TTC14: variants seen among roughly 807,000 people sequenced by gnomAD.
TTC14 encodes the protein tetratricopeptide repeat domain 14, also known as tetratricopeptide repeat protein 14.
A neutral mutation model predicts 79.9 loss-of-function variants in TTC14; 63 were observed. That is an observed-to-expected ratio of 0.79 (90% confidence interval 0.64 to 0.97). TTC14 has a LOEUF of 0.97. Ranked by LOEUF, TTC14 falls within the 50% of genes least tolerant of loss-of-function variation. TTC14 has a pLI of 0.00. For synonymous variants in TTC14, 335 were observed against 309.6 expected (o/e 1.08, Z -0.86); for missense variants, 895 against 894.0 (o/e 1.00, Z -0.01).
rs750323353 is a variant in TTC14 at position 180,604,170 on chromosome 3, A to G, written c.487-55A>G. The G allele has an allele frequency of 1.2e-5, 17 of 1,449,612 alleles. No homozygotes were observed. The South Asian group carries it at 2.0e-4, about 17-fold the overall frequency. 89.8% of individuals were successfully genotyped at this position (1,449,612 alleles called of 1,614,324 possible). A position where few individuals can be genotyped will look rare whatever the true frequency, so the allele number is the denominator to read the frequency against. On this transcript the variant is annotated intron_variant, in intron 3 of 11. Transcript: ENST00000296015. ...CCAAACAACTAAGATAAAAGAAGACACTGTTCTTATCAAAGCTTGAAATGT... is the reference window on the plus strand; with the variant it reads ...CCAAACAACTAAGATAAAAGAAGACGCTGTTCTTATCAAAGCTTGAAATGT...
Position 180,606,343 on chromosome 3 carries a change from C to T in TTC14, c.1020C>T (p.Asn340=), listed in dbSNP as rs1716685118. The change falls in exon 8 of 12, where the codon AAC becomes AAT. Residue 340 remains asparagine (N), a synonymous_variant. Transcript: ENST00000296015. ...AAGCTTTGGAAATAGACAAACAAAA[C>T]GTGGAAGCTTTGGTAGCTCGTGGAG... ...YNKALEIDKQ[N]VEALVARGAL... 6.2e-6 allele frequency: 10 copies of T among 1,613,832 alleles called. No homozygotes were observed. The highest frequency in any genetic ancestry group is 8.5e-6 in the Non-Finnish European group (10 of 1,179,966).
intron 11 of TTC14, 188 bp downstream of exon 11, chr3:180,608,998 C>T (rs1716844508): frequency 8.9e-7 from 1 of 1,119,916 alleles, no homozygotes; most frequent in African/African-American, 1.6e-5. Context: ...GAATTTAAGG[C>T]TAGAATTCTA....
Position 180,616,257 on chromosome 3 carries a change from A to AT in TTC14, c.1775-1114dup, listed in dbSNP as rs573087987. 6,145 of 1,574,698 alleles carry AT rather than the reference A, an allele frequency of 3.9e-3. 17 individuals carry two copies. The highest frequency in any genetic ancestry group is 0.017 in the Middle Eastern group (103 of 5,938). On this transcript the variant is annotated intron_variant, in intron 12 of 12. Transcript: ENST00000382584. ...GTGTACAGCTGTGAGAGTTAAGCAG[A>AT]TTTTTTTTTAACCCTCCGCTTACCT...
downstream of TTC14, among the ~76,000 whole-genome samples, chr3:180,615,585 AG>A (rs1391541087): frequency 6.6e-6 from 1 of 152,198 alleles, no homozygotes; most frequent in Non-Finnish European, 1.5e-5. Context: ...TCAGTTATAT[AG>A]AAACAGTTTT....
Position 180,602,295 on chromosome 3 carries a change from T to G in TTC14, c.34T>G (p.Cys12Gly). The part of the protein sequence containing the change: ...DRDLLRQSLN[C>G]HGSSLLSLLR... ...GGACCTTTTGCGGCAGTCGCTAAAT[T>G]GCCACGGGTCGTCTTTGCTCTCTCT... Residue 12 changes from cysteine to glycine, a missense_variant, in exon 1 of 12, where the codon TGC becomes GGC. Cys to Gly is a radical substitution (Grantham distance 159). Coordinates refer to ENST00000296015, the MANE Select transcript of TTC14 (RefSeq NM_133462.4). 1 of 1,614,058 alleles carries G rather than the reference T, an allele frequency of 6.2e-7. No homozygotes were observed. Among genetic ancestry groups the G allele is most frequent in the Non-Finnish European group, 8.5e-7 (1 of 1,180,024 alleles).
downstream of TTC14, among the ~76,000 whole-genome samples, chr3:180,618,280 G>T (rs139740699): frequency 1.4e-4 from 21 of 152,190 alleles, no homozygotes; most frequent in African/African-American, 5.1e-4. Flanking sequence ...AATTCAACTG[G>T]AAAGTATTTT....
Position 180,602,388 on chromosome 3 carries a change from C to G in TTC14, c.127C>G (p.Arg43Gly). Reference protein sequence around the residue: ...SLLGSAAEPARGPPPQHPLQG... With the variant: ...SLLGSAAEPAGGPPPQHPLQG... ...CCTGGGGTCGGCCGCCGAGCCAGCC[C>G]GGGGCCCGCCGCCCCAGCACCCGTT... The change falls in exon 1 of 12, where the codon CGG (arginine) becomes GGG (glycine). Residue 43 changes from arginine (R) to glycine (G), a missense_variant. Transcript: ENST00000296015. The G allele has an allele frequency of 6.2e-7, 1 of 1,609,270 alleles. No homozygotes were observed.
chr3:180,616,715 A>G lies in TTC14; in HGVS notation c.1775-665A>G, dbSNP rs776677497. On this transcript the variant is annotated intron_variant, in intron 12 of 12. Transcript: ENST00000382584. The stretch of plus-strand genomic sequence containing the variant: ...TGCACACTGTTGGTAAATAATAGTC[A>G]ATTATTCTATAAACGTGTTTACCAG... The G allele has an allele frequency of 7.0e-6, 11 of 1,576,854 alleles. No individual in the cohort carries two copies. Among genetic ancestry groups the G allele is most frequent in the Middle Eastern group, 3.3e-4 (2 of 5,982 alleles).
intron 3 of TTC14, 143 bp downstream of exon 3, chr3:180,603,466 T>A (rs959277245): frequency 4.0e-6 from 3 of 750,012 alleles, no homozygotes; most frequent in African/African-American, 1.8e-5. Context: ...AAAAATAGTT[T>A]AAAAAAATTA....
In TTC14 at chr3:180,608,752, A is replaced by G. The variant is rs977586319; in HGVS notation, c.1342A>G (p.Thr448Ala). 1 of 1,564,070 alleles carries G rather than the reference A, an allele frequency of 6.4e-7. No individual in the cohort carries two copies. ...AGCTGAAAAGGAAGAAAAGCAGAAA[A>G]CAAAGAAAATAGAAACAAGTGCAGA... is the stretch of plus-strand genomic sequence containing the variant. ...KQAEKEEKQK[T>A]KKIETSAEKL... Residue 448 changes from threonine (T) to alanine (A), a missense_variant, in exon 11 of 12, where the codon ACA becomes GCA. By Grantham distance (58) the Thr-to-Ala change is moderately conservative. Coordinates refer to ENST00000296015, the MANE Select transcript of TTC14 (RefSeq NM_133462.4).
chr3:180,602,666 T>C lies in TTC14; in HGVS notation c.162-225T>C, dbSNP rs1284148476. 1.1e-5 allele frequency: 8 copies of C among 712,216 alleles called. No homozygotes were observed. In the East Asian group the frequency reaches 2.2e-4, roughly 20 times the overall value. The allele number at this position is 712,216 out of a possible 1,614,324, so 44.1% of individuals were successfully genotyped here. On this transcript the variant is annotated intron_variant, in intron 1 of 11. Transcript: ENST00000296015. ...CGCAGATTCCTTAGCTAAAAATCCC[T>C]TGAGCTTTCCTATCTGAGTTGGAGG... is the stretch of plus-strand genomic sequence containing the variant.
intron 10 of TTC14, 168 bp from the exon 11 acceptor site, chr3:180,608,533 T>G (rs1475741918): frequency 1.6e-6 from 2 of 1,236,356 alleles, no homozygotes; most frequent in African/African-American, 3.2e-5. Flanking sequence ...GCCAAACATC[T>G]GTATGACTAA....
Position 180,610,465 on chromosome 3 carries a change from T to C in TTC14, c.2236T>C (p.Leu746=). ...CTCAGAAAGCAGTGTTAAGAAAAATTTACCTCAGAATTTACTGAATATATT... is the reference window on the plus strand; with the variant it reads ...CTCAGAAAGCAGTGTTAAGAAAAATCTACCTCAGAATTTACTGAATATATT... ...EHSESSVKKN[L]PQNLLNIFNQ... is the part of the protein sequence containing the mutation. Residue 746 remains leucine, a synonymous_variant, in exon 12 of 12, where the codon TTA becomes CTA. Coordinates refer to ENST00000296015, the MANE Select transcript of TTC14 (RefSeq NM_133462.4). 6.2e-7 allele frequency: 1 copy of C among 1,607,820 alleles called. No homozygotes were observed. Among genetic ancestry groups the C allele is most frequent in the Non-Finnish European group, 8.5e-7 (1 of 1,178,510 alleles).
chr3:180,609,009 C>T (rs2108396904), intron 11 of TTC14, 199 bp downstream of exon 11: 2 of 1,093,438 alleles, frequency 1.8e-6, no homozygotes, highest in South Asian at 4.3e-5. Flanking sequence ...TAGAATTCTA[C>T]AAAAAAAGAG....
rs755764794 is a variant in TTC14 at position 180,616,656 on chromosome 3, T to G, written c.1775-724T>G. The stretch of plus-strand genomic sequence containing the variant: ...TGTTCTTCCATTGTTTCATCTTTTG[T>G]GTCTTTCAAAAGACGGATTTCCTTT... On this transcript the variant is annotated intron_variant, in intron 12 of 12. Transcript: ENST00000382584. The G allele has an allele frequency of 7.2e-5, 114 of 1,593,150 alleles. No homozygotes were observed. Among genetic ancestry groups the G allele is most frequent in the Non-Finnish European group, 9.3e-5 (109 of 1,168,142 alleles).
rs370488877 is a variant in TTC14, at chr3:180,608,684, T to C, written c.1291-17T>C. 59 of 1,502,922 alleles carry C rather than the reference T, an allele frequency of 3.9e-5. No individual in the cohort carries two copies. Among genetic ancestry groups the C allele is most frequent in the Non-Finnish European group, 5.1e-5 (58 of 1,131,652 alleles). The allele number at this position is 1,502,922 out of a possible 1,614,324, so 93.1% of individuals were successfully genotyped here. A position where few individuals can be genotyped will look rare whatever the true frequency, so the allele number is the denominator to read the frequency against. On this transcript the variant is annotated splice_polypyrimidine_tract_variant and intron_variant, in intron 10 of 11. Transcript: ENST00000296015. ...ATTTTTAACGTGTGGTTTTTTTCGA[T>C]ATCTGGGTTCTAAAAGAAATCTTTG...
downstream of TTC14, chr3:180,613,993 A>T: frequency 2.7e-6 from 1 of 370,094 alleles, no homozygotes; most frequent in South Asian, 2.1e-5. Flanking sequence ...TTTGAAGGAG[A>T]CACATGTACA....
chr3:180,615,853 T>A (rs1434049820), downstream of TTC14, among the ~76,000 whole-genome samples: 2 of 152,154 alleles, frequency 1.3e-5, no homozygotes, highest in Non-Finnish European at 2.9e-5. Context: ...TAAAGTCAAA[T>A]CCTGATTATG....
Position 180,616,515 on chromosome 3 carries a change from C to T in TTC14, c.1775-865C>T, listed in dbSNP as rs758362162. Reference sequence around the variant, plus strand: ...ATATTTAATAGAAGGTGCTGTATTACCTGTTGAAAGTATGTTTGAAGGATA... The same window carrying T: ...ATATTTAATAGAAGGTGCTGTATTATCTGTTGAAAGTATGTTTGAAGGATA... On this transcript the variant is annotated intron_variant, in intron 12 of 12. Transcript: ENST00000382584. The T allele has an allele frequency of 1.8e-5, 27 of 1,540,186 alleles. No individual in the cohort carries two copies. Among genetic ancestry groups the T allele is most frequent in the Non-Finnish European group, 2.4e-5 (27 of 1,144,910 alleles).
Sources: gnomAD v4.1 joint callset for allele counts (sites outside exome capture counted in the v4.1 genomes callset) on GRCh38, gnomAD v4.1.1 for gene constraint, MANE v1.5 for transcripts, NCBI Gene and HGNC (gene_info 2026-07-23, HGNC 2026-07-21) for gene names.